Variants in TRUB1 observed in about 807,000 individuals in gnomAD.
TRUB1 encodes pseudouridylate synthase TRUB1.
A neutral mutation model predicts 33.9 loss-of-function variants in TRUB1; 23 were observed. The observed-to-expected ratio is 0.68, with a 90% confidence interval of 0.49 to 0.96. The LOEUF (loss-of-function observed/expected upper bound fraction) is 0.96, where lower values mean the gene tolerates loss of function less well. Among genes scored for constraint, TRUB1 ranks in the 40% least tolerant of loss-of-function variants. The pLI is 0.00. For synonymous variants in TRUB1, 163 were observed against 165.4 expected, an observed-to-expected ratio of 0.99 and a Z score of 0.11; for missense variants, 378 against 422.2, an observed-to-expected ratio of 0.90 and a Z score of 0.92.
chr10:114,948,311 A>G (rs573200958), intron 2 of TRUB1, among the ~76,000 whole-genome samples: 6 of 152,270 alleles, frequency 3.9e-5, no homozygotes, highest in South Asian at 4.1e-4. Flanking sequence ...TGACCTTTCC[A>G]GGTTCAGCTG....
chr10:114,941,421 T>C (rs2084186289), intron 1 of TRUB1, among the ~76,000 whole-genome samples: 1 of 151,888 alleles, frequency 6.6e-6, no homozygotes, highest in Admixed American at 6.6e-5. Flanking sequence ...TACTGCAACC[T>C]CTGCCTCCTG....
chr10:114,970,427 C>T lies in TRUB1; in HGVS notation c.583C>T (p.Gln195Ter). Residue 195 changes from glutamine (Q) to a stop codon, truncating the protein, a stop_gained, in exon 5 of 8, where the codon CAA becomes TAA. Coordinates refer to ENST00000298746, the MANE Select transcript of TRUB1 (RefSeq NM_139169.5). LOFTEE classifies it high-confidence loss of function. The part of the protein sequence containing the change: ...ILQKFTGNIM[Q>*]VPPLYSALKK... ...ACAGAAATTTACTGGAAATATAATG[C>T]AAGTGCCCCCCCTGTAAGTTCAATT... The T allele has an allele frequency of 6.2e-7, 1 of 1,609,824 alleles. No homozygotes were observed. Among genetic ancestry groups the T allele is most frequent in the South Asian group, 1.1e-5 (1 of 90,752 alleles).
At chr10:114,954,733 G>C (rs1464643289) in intron 3 of TRUB1, among the ~76,000 whole-genome samples, 2 of 151,838 alleles carry the variant, frequency 1.3e-5, no homozygotes, top group African/African-American at 4.8e-5. Flanking sequence ...AGTGCCTTGT[G>C]TATGGAAATT....
chr10:114,959,765 A>C lies in TRUB1; in HGVS notation c.481A>C (p.Thr161Pro). ...AIGELGKATD[T>P]LDSTGRVTEE... is the part of the protein sequence containing the mutation. Reference sequence around the variant, plus strand: ...TGGAGAACTGGGGAAAGCTACTGATACACTAGATTCTACGGGGAGGGTAAC... The same window carrying C: ...TGGAGAACTGGGGAAAGCTACTGATCCACTAGATTCTACGGGGAGGGTAAC... The change falls in exon 4 of 8, where the codon ACA becomes CCA. Residue 161 changes from threonine to proline, a missense_variant. By Grantham distance (38) the Thr-to-Pro change is conservative. Coordinates refer to ENST00000298746, the MANE Select transcript of TRUB1 (RefSeq NM_139169.5). The C allele has an allele frequency of 1.9e-6, 3 of 1,609,720 alleles. No homozygotes were observed. The highest frequency in any genetic ancestry group is 2.6e-6 in the Non-Finnish European group (3 of 1,176,116).
At chr10:114,940,658 T>G (rs886494914) in intron 1 of TRUB1, among the ~76,000 whole-genome samples, 2 of 152,158 alleles carry the variant, frequency 1.3e-5, no homozygotes, top group African/African-American at 2.4e-5. Context: ...ATTCCCCACT[T>G]TATATAGTAG....
chr10:114,940,281 C>G (rs1050113531), intron 1 of TRUB1, among the ~76,000 whole-genome samples: 4 of 152,206 alleles, frequency 2.6e-5, no homozygotes, highest in Non-Finnish European at 4.4e-5. Flanking sequence ...ACCACCATGC[C>G]CAGCTAATTT....
At position 114,977,647 on chromosome 10, in the gene TRUB1, A is replaced by T. The variant is rs1315730308; in HGVS notation, c.*2268A>T. 2 of 152,002 alleles carry T rather than the reference A, an allele frequency of 1.3e-5. No homozygotes were observed. Among genetic ancestry groups the T allele is most frequent in the South Asian group, 4.1e-4 (2 of 4,830 alleles). 9.4% of individuals were successfully genotyped at this position (152,002 alleles called of 1,614,324 possible). On this transcript the variant is annotated 3_prime_UTR_variant, in exon 8 of 8. Coordinates refer to ENST00000298746, the MANE Select transcript of TRUB1 (RefSeq NM_139169.5). Reference sequence around the variant, plus strand: ...ATTTATCTGTATACTTTGTTCATTTATATAAATAAATGTCTTAATGGTTTC... The same window carrying T: ...ATTTATCTGTATACTTTGTTCATTTTTATAAATAAATGTCTTAATGGTTTC...
intron 3 of TRUB1, among the ~76,000 whole-genome samples, chr10:114,957,304 T>G (rs986880519): frequency 6.6e-6 from 1 of 152,228 alleles, no homozygotes; most frequent in Admixed American, 6.5e-5. Flanking sequence ...CTCAGTGAGA[T>G]AAACCAGACA....
At chr10:114,975,060 A>G (rs891467138) in intron 7 of TRUB1, 63 bp from the exon 8 acceptor site, 43 of 1,531,902 alleles carry the variant, frequency 2.8e-5, no homozygotes, top group Non-Finnish European at 3.6e-5. Context: ...TTGAACAATT[A>G]CAGACTATGA....
At chr10:114,970,845 C>T (rs2084333733) in intron 5 of TRUB1, among the ~76,000 whole-genome samples, 1 of 152,142 alleles carries the variant, frequency 6.6e-6, no homozygotes, top group Admixed American at 6.5e-5. Context: ...GGTGCTGGGA[C>T]CATTCCTATT....
Position 114,975,462 on chromosome 10 carries a change from A to G in TRUB1, c.*83A>G, listed in dbSNP as rs2143039976. The G allele has an allele frequency of 1.5e-6, 2 of 1,339,976 alleles. No homozygotes were observed. Among genetic ancestry groups the G allele is most frequent in the East Asian group, 4.9e-5 (2 of 40,966 alleles). The allele number at this position is 1,339,976 out of a possible 1,614,324, so 83.0% of individuals were successfully genotyped here. On this transcript the variant is annotated 3_prime_UTR_variant, in exon 8 of 8. Transcript: ENST00000298746. ...CAGAATGACAAGCTGCATTCAAAAG[A>G]CAAACAATATGTCTTTTTTTTTTTT...
In TRUB1 at chr10:114,975,564, A is replaced by C. The variant is rs1304846945; in HGVS notation, c.*185A>C. ...TTCTATGCATTATAAATGGCCTTGC[A>C]GTTGGCTCAGTTGTTTGTTGTGTTG... On this transcript the variant is annotated 3_prime_UTR_variant, in exon 8 of 8. Transcript: ENST00000298746. 1 of 492,966 alleles carries C rather than the reference A, an allele frequency of 2.0e-6. No homozygotes were observed. The highest frequency in any genetic ancestry group is 3.3e-5 in the East Asian group (1 of 30,016). 30.5% of individuals were successfully genotyped at this position (492,966 alleles called of 1,614,324 possible). A position where few individuals can be genotyped will look rare whatever the true frequency, so the allele number is the denominator to read the frequency against.
intron 4 of TRUB1, among the ~76,000 whole-genome samples, chr10:114,963,286 C>G (rs2084291932): frequency 6.6e-6 from 1 of 152,190 alleles, no homozygotes; most frequent in Admixed American, 6.5e-5. Flanking sequence ...GGTACTGTCT[C>G]CTCTTGGACT....
intron 2 of TRUB1, among the ~76,000 whole-genome samples, chr10:114,948,055 A>G (rs1017980617): frequency 8.5e-5 from 13 of 152,234 alleles, no homozygotes; most frequent in Admixed American, 8.5e-4. Context: ...GGATACTAGG[A>G]CATTGGATAA....
intron 2 of TRUB1, among the ~76,000 whole-genome samples, chr10:114,945,414 G>A (rs2084207015): frequency 6.6e-6 from 1 of 152,188 alleles, no homozygotes; most frequent in East Asian, 1.9e-4. Context: ...TCCAGGCATG[G>A]CACCACAAAT....
intron 4 of TRUB1, among the ~76,000 whole-genome samples, chr10:114,963,714 T>G (rs982136578): frequency 6.6e-6 from 1 of 152,232 alleles, no homozygotes; most frequent in African/African-American, 2.4e-5. Context: ...ATAAATGGAA[T>G]TAAACACTAT....
intron 3 of TRUB1, among the ~76,000 whole-genome samples, chr10:114,953,160 A>G (rs142403839): frequency 1.3e-5 from 2 of 152,332 alleles, no homozygotes; most frequent in Non-Finnish European, 2.9e-5. Flanking sequence ...ATTATGACTG[A>G]AAATGTAAAT....
intron 3 of TRUB1, among the ~76,000 whole-genome samples, chr10:114,955,230 C>T (rs1386502422): frequency 2.0e-5 from 3 of 152,110 alleles, no homozygotes; most frequent in African/African-American, 4.8e-5. Flanking sequence ...GCAAATAGCC[C>T]CTCTTATATC....
intron 3 of TRUB1, among the ~76,000 whole-genome samples, chr10:114,951,946 T>TA (rs995546565): frequency 4.6e-5 from 7 of 152,220 alleles, no homozygotes; most frequent in African/African-American, 1.4e-4. Context: ...TTTGTTTCTT[T>TA]AAAAAAATCT....
Sources: allele counts gnomAD v4.1 joint callset (sites outside exome capture counted in the v4.1 genomes callset), GRCh38; gene constraint gnomAD v4.1.1; transcripts MANE v1.5; gene names NCBI Gene and HGNC (gene_info 2026-07-23, HGNC 2026-07-21).